The following TTC34 variants were observed in gnomAD, a reference collection of about 807,000 sequenced individuals.
TTC34 encodes tetratricopeptide repeat protein 34.
In TTC34, 44 loss-of-function variants were observed where a neutral mutation model predicts 40.7. The observed-to-expected ratio is 1.08, with a 90% CI of 0.85 to 1.39. The LOEUF (loss-of-function observed/expected upper bound fraction) is 1.39. TTC34 is among the 40% of genes most tolerant of loss of function. The pLI is 0.00. For synonymous variants in TTC34, 422 were observed against 398.6 expected, an observed-to-expected ratio of 1.06 and a Z score of -0.70; for missense variants, 884 against 838.0, an observed-to-expected ratio of 1.05 and a Z score of -0.68.
chr1:2,750,616 G>A (rs1641286245), intron 6 of TTC34, among the ~76,000 whole-genome samples: 13 of 152,088 alleles, frequency 8.5e-5, no homozygotes, highest in Admixed American at 2.0e-4. Flanking sequence ...CCACAGGTGA[G>A]CATCTGACAG....
chr1:2,691,686 C>G (rs529722104), intron 6 of TTC34, among the ~76,000 whole-genome samples: 2 of 89,718 alleles, frequency 2.2e-5, no homozygotes, highest in South Asian at 6.3e-4. Context: ...ATCTGACGGC[C>G]TGCAACAGCA....
intron 6 of TTC34, among the ~76,000 whole-genome samples, chr1:2,758,073 C>CAAA (rs1641565348): frequency 8.7e-6 from 1 of 114,822 alleles, no homozygotes; most frequent in Non-Finnish European, 1.8e-5. Flanking sequence ...GCACCCTGCA[C>CAAA]CCCCAGGTGC....
At chr1:2,785,853 G>T (rs773111045) in exon 5 of TTC34, 48 of 1,544,502 alleles carry the variant, frequency 3.1e-5, no homozygotes, top group Non-Finnish European at 4.1e-5. Context: ...GGTAGGCGAT[G>T]GCCTCCTTGG....
At chr1:2,692,253 C>A (rs1011723707) in intron 6 of TTC34, among the ~76,000 whole-genome samples, 2 of 76,412 alleles carry the variant, frequency 2.6e-5, no homozygotes, top group African/African-American at 8.5e-5. Context: ...CAGCCTGGAG[C>A]AGCACCCACA....
chr1:2,752,852 C>A (rs1641369941), intron 6 of TTC34, among the ~76,000 whole-genome samples: 2 of 150,820 alleles, frequency 1.3e-5, no homozygotes, highest in African/African-American at 4.9e-5. Flanking sequence ...ACAGCACCCA[C>A]ACACCCAGGC....
At chr1:2,652,331 G>A (rs1639168838) in intron 6 of TTC34, among the ~76,000 whole-genome samples, 9 of 152,314 alleles carry the variant, frequency 5.9e-5, no homozygotes, top group African/African-American at 2.2e-4. Context: ...CACACCCCCA[G>A]GTGAGCATCT....
intron 3 of TTC34, among the ~76,000 whole-genome samples, chr1:2,788,539 G>A (rs1643622304): frequency 6.6e-6 from 1 of 152,050 alleles, no homozygotes; most frequent in South Asian, 2.1e-4. Flanking sequence ...ACCCCTTCCT[G>A]CCACCTCCCA....
chr1:2,692,134 G>T (rs1192058052), intron 6 of TTC34, among the ~76,000 whole-genome samples: 1 of 18,590 alleles, frequency 5.4e-5, no homozygotes, highest in East Asian at 1.9e-3. Context: ...AGCCTGGGTC[G>T]GCACCCACAA....
chr1:2,768,010 G>T lies in TTC34; in HGVS notation c.2226+15599C>A, dbSNP rs1001759006. ...TGCGTGGAACAGCACGTCCCCTCAG[G>T]TGAGCATCTGACAGCATAAAACAGC... On this transcript the variant is annotated intron_variant, in intron 6 of 8. Coordinates refer to ENST00000401095, the Ensembl canonical transcript of TTC34. Among the ~76,000 whole-genome samples the T allele has an allele frequency of 2.4e-4, 37 of 151,306 alleles. 2 individuals are homozygous for T. The highest frequency in any genetic ancestry group is 9.8e-4 in the East Asian group (5 of 5,090).
chr1:2,800,485 G>A lies in TTC34; in HGVS notation c.343C>T (p.Arg115Cys), dbSNP rs1164905003. The change falls in exon 2 of 9, where the codon CGC becomes TGC. Residue 115 changes from arginine (R) to cysteine (C), a missense_variant. Transcript: ENST00000401095. ...TGCACCACTTCTTCGTGACGCCCGC[G>A]GGCCAGCAGACCTGCCAGCAGGTGC... The A allele has an allele frequency of 5.3e-5, 21 of 398,456 alleles. No individual in the cohort carries two copies. The East Asian group carries it at 6.8e-4, about 13-fold the overall frequency. 24.7% of individuals were successfully genotyped at this position (398,456 alleles called of 1,614,324 possible).
intron 6 of TTC34, among the ~76,000 whole-genome samples, chr1:2,750,715 C>A (rs1376209553): frequency 1.9e-4 from 28 of 144,826 alleles, no homozygotes; most frequent in African/African-American, 3.4e-4. Flanking sequence ...CAGCCTGGAG[C>A]AGCACCCACA....
At position 2,752,060 on chromosome 1, in the gene TTC34, A is replaced by T. The variant is rs879043189; in HGVS notation, c.2226+31549T>A. 9.3e-5 allele frequency among the ~76,000 whole-genome samples: 6 copies of T among 64,656 alleles called. 1 individual carries two copies. Among genetic ancestry groups the T allele is most frequent in the Admixed American group, 1.6e-4 (1 of 6,218 alleles). The allele number at this position is 64,656 out of a possible 152,430, so 42.4% of individuals were successfully genotyped here. A position where few individuals can be genotyped will look rare whatever the true frequency, so the allele number is the denominator to read the frequency against. ...GAGCAGCACCGACACCCCCAGGCGAACATCTGAACGCACGGAGCAGCACCC... is the reference window on the plus strand; with the variant it reads ...GAGCAGCACCGACACCCCCAGGCGATCATCTGAACGCACGGAGCAGCACCC... On this transcript the variant is annotated intron_variant, in intron 6 of 8. Coordinates refer to ENST00000401095, the Ensembl canonical transcript of TTC34.
intron 6 of TTC34, among the ~76,000 whole-genome samples, chr1:2,759,906 G>A (rs1641638430): frequency 6.8e-6 from 1 of 147,428 alleles, no homozygotes; most frequent in Non-Finnish European, 1.5e-5. Context: ...TGACAGCCTG[G>A]AACATCACCC....
Position 2,645,611 on chromosome 1 carries a change from A to T in TTC34, c.2227-48T>A. 7.0e-7 allele frequency: 1 copy of T among 1,433,776 alleles called. No individual in the cohort carries two copies. Among genetic ancestry groups the T allele is most frequent in the Non-Finnish European group, 9.1e-7 (1 of 1,095,030 alleles). 88.8% of individuals were successfully genotyped at this position (1,433,776 alleles called of 1,614,324 possible). On this transcript the variant is annotated intron_variant, in intron 6 of 8. Transcript: ENST00000401095. This position sits in a 1 kb window ranked among gnomAD's most constrained non-coding sequence, Gnocchi z 4.7. ...GGTGCAGAGTTGTCCTAAGTAGAGA[A>T]ACTGGGCAGAGGGTCAGAGTAGGAG...
rs1220154316 is a variant in TTC34 at position 2,683,542 on chromosome 1, A to G, written c.2227-37979T>C. Among the ~76,000 whole-genome samples the G allele has an allele frequency of 7.4e-5, 11 of 148,206 alleles. 1 individual carries two copies. The highest frequency in any genetic ancestry group is 2.0e-4 in the African/African-American group (8 of 39,220). On this transcript the variant is annotated intron_variant, in intron 6 of 8. Coordinates refer to ENST00000401095, the Ensembl canonical transcript of TTC34. ...AGGTGAGCATCTGATGGTCTGGAGC[A>G]GCACCCACAACCACAGGTGAGCATC...
chr1:2,767,811 A>C (rs1008667437), intron 6 of TTC34, among the ~76,000 whole-genome samples: 1 of 150,742 alleles, frequency 6.6e-6, no homozygotes, highest in African/African-American at 2.4e-5. Flanking sequence ...CCACACTCCC[A>C]GGTGAGCATC....
At chr1:2,775,109 C>A (rs1642977683) in intron 6 of TTC34, 2 of 138,008 alleles carry the variant, frequency 1.4e-5, no homozygotes, top group African/African-American at 2.8e-5. Context: ...ATTCTCCAAC[C>A]ACAGGTGAGG....
At chr1:2,641,602 C>T in exon 9 of TTC34, 1 of 1,534,084 alleles carries the variant, frequency 6.5e-7, no homozygotes, top group South Asian at 1.2e-5. Flanking sequence ...GCTTCAGGGC[C>T]TGGGCAAAGG....
At chr1:2,794,072 T>G (rs1248953634) in intron 2 of TTC34, among the ~76,000 whole-genome samples, 1 of 152,150 alleles carries the variant, frequency 6.6e-6, no homozygotes, top group East Asian at 1.9e-4. Context: ...TACAGCTCAC[T>G]GCAGCCTTCA....
Sources: allele counts gnomAD v4.1 joint callset (sites outside exome capture counted in the v4.1 genomes callset), GRCh38; gene constraint gnomAD v4.1.1; non-coding constraint Gnocchi (gnomAD v3.1); transcripts MANE v1.5; gene names NCBI Gene and HGNC (gene_info 2026-07-23, HGNC 2026-07-21).